The following XKR9 variants were observed in gnomAD, a reference collection of about 807,000 sequenced individuals.
XKR9 encodes XK related 9.
Under a neutral mutation model 32.0 loss-of-function variants are expected in XKR9, and 32 were observed. That is an observed-to-expected ratio of 1.00 (90% CI 0.76 to 1.34). The LOEUF is 1.34. Ranked by LOEUF, XKR9 falls within the 40% of genes most tolerant of loss-of-function variation. XKR9 has a pLI of 0.00. For synonymous variants in XKR9, 168 were observed against 143.4 expected (o/e 1.17, Z -1.22); for missense variants, 546 against 429.7 (o/e 1.27, Z -2.39).
chr8:70,878,380 G>T, the XKR9 span, among the ~76,000 whole-genome samples: 1 of 152,018 alleles, frequency 6.6e-6, no homozygotes, highest in Non-Finnish European at 1.5e-5. Flanking sequence ...AAAGAGTCAA[G>T]CCCCATCAAT....
downstream of XKR9, among the ~76,000 whole-genome samples, chr8:70,794,816 T>C (rs1436884748): frequency 3.6e-5 from 5 of 137,600 alleles, no homozygotes; most frequent in Admixed American, 7.3e-5. Flanking sequence ...TTGCTTGTAG[T>C]CTTCTTTTGT....
the XKR9 span, among the ~76,000 whole-genome samples, chr8:70,820,241 G>C: frequency 2.0e-5 from 3 of 152,160 alleles, no homozygotes; most frequent in Admixed American, 6.6e-5. Context: ...CTAAGTTCCT[G>C]TCAGTTTATT....
At chr8:70,696,832 G>C (rs1299949436) in intron 3 of XKR9, among the ~76,000 whole-genome samples, 2 of 145,970 alleles carry the variant, frequency 1.4e-5, no homozygotes, top group African/African-American at 5.0e-5. Flanking sequence ...ATGTTCTTCC[G>C]TTTGTTTGTA....
chr8:70,871,418 A>T, the XKR9 span, among the ~76,000 whole-genome samples: 1 of 152,160 alleles, frequency 6.6e-6, no homozygotes, highest in Non-Finnish European at 1.5e-5. Flanking sequence ...CATTTTTCCA[A>T]TAGCACATGC....
chr8:70,729,221 T>C (rs1471614355), intron 4 of XKR9, among the ~76,000 whole-genome samples: 2 of 152,216 alleles, frequency 1.3e-5, no homozygotes, highest in African/African-American at 4.8e-5. Context: ...CTGCCGTAAG[T>C]TGAGAATACT....
chr8:70,915,507 T>C, the XKR9 span, among the ~76,000 whole-genome samples: 2 of 152,196 alleles, frequency 1.3e-5, no homozygotes, highest in Non-Finnish European at 2.9e-5. Flanking sequence ...ATTTCTTTCA[T>C]TGTCATGATT....
the XKR9 span, among the ~76,000 whole-genome samples, chr8:70,944,331 A>G: frequency 3.9e-5 from 6 of 152,246 alleles, no homozygotes; most frequent in African/African-American, 1.4e-4. Context: ...TCTAGAGAAC[A>G]AATGATTTTG....
At chr8:70,748,944 T>A (rs1033346710) in intron 2 of XKR9, among the ~76,000 whole-genome samples, 1 of 152,176 alleles carries the variant, frequency 6.6e-6, no homozygotes, top group Non-Finnish European at 1.5e-5. Context: ...CAGGATGACC[T>A]GCCTGCATAA....
At chr8:70,975,220 T>A in the XKR9 span, among the ~76,000 whole-genome samples, 1 of 152,246 alleles carries the variant, frequency 6.6e-6, no homozygotes, top group South Asian at 2.1e-4. Context: ...TAGTTTCTTT[T>A]GCTGTGCAGA....
chr8:70,949,607 T>C, the XKR9 span, among the ~76,000 whole-genome samples: 1 of 151,872 alleles, frequency 6.6e-6, no homozygotes, highest in Admixed American at 6.6e-5. Context: ...TGTGTGTGTG[T>C]TGGGTGGCGA....
the XKR9 span, among the ~76,000 whole-genome samples, chr8:70,817,501 T>G: frequency 2.0e-5 from 3 of 152,208 alleles, 1 homozygote; most frequent in South Asian, 6.2e-4. Flanking sequence ...GGAAAACCAT[T>G]TCATGCTCGT....
the XKR9 span, among the ~76,000 whole-genome samples, chr8:71,061,429 A>G: frequency 3.9e-5 from 6 of 152,144 alleles, no homozygotes; most frequent in Non-Finnish European, 2.9e-5. Context: ...AATTCCCAGT[A>G]CCATCTGGCC....
the XKR9 span, among the ~76,000 whole-genome samples, chr8:71,028,282 TTA>T: frequency 6.6e-6 from 1 of 152,234 alleles, no homozygotes; most frequent in Admixed American, 6.5e-5. Context: ...TTTCACCTCG[TTA>T]GTTAAGTTTT....
At chr8:70,785,637 A>C (rs1485713096) in intron 2 of XKR9, among the ~76,000 whole-genome samples, 1 of 148,432 alleles carries the variant, frequency 6.7e-6, no homozygotes, top group Non-Finnish European at 1.5e-5. Flanking sequence ...ATAACATAGG[A>C]ATTTATTAGT....
At chr8:70,838,334 G>T in the XKR9 span, among the ~76,000 whole-genome samples, 9 of 152,012 alleles carry the variant, frequency 5.9e-5, no homozygotes, top group African/African-American at 2.4e-5. Context: ...GAGAGAGAAT[G>T]CATGTATGTA....
chr8:70,849,423 C>T, the XKR9 span, among the ~76,000 whole-genome samples: 1 of 152,092 alleles, frequency 6.6e-6, no homozygotes, highest in Non-Finnish European at 1.5e-5. Flanking sequence ...CCAATGAGAA[C>T]AAAGACACAA....
the XKR9 span, among the ~76,000 whole-genome samples, chr8:70,865,113 T>C: frequency 6.6e-6 from 1 of 152,326 alleles, no homozygotes; most frequent in East Asian, 1.9e-4. Context: ...TGAAATTGAT[T>C]ACCCTGGAAA....
At chr8:70,966,836 G>A in the XKR9 span, among the ~76,000 whole-genome samples, 1 of 152,012 alleles carries the variant, frequency 6.6e-6, no homozygotes, top group Non-Finnish European at 1.5e-5. Context: ...AGAATAGTTA[G>A]CTCTTTTTAT....
intron 2 of XKR9, among the ~76,000 whole-genome samples, chr8:70,775,727 G>A (rs1001049965): frequency 8.7e-5 from 13 of 149,452 alleles, no homozygotes; most frequent in South Asian, 4.2e-4. Flanking sequence ...TTGCCTCTGC[G>A]TACATGGGGA....
Sources: allele counts gnomAD v4.1 joint callset (sites outside exome capture counted in the v4.1 genomes callset), GRCh38; gene constraint gnomAD v4.1.1; transcripts MANE v1.5; gene names NCBI Gene and HGNC (gene_info 2026-07-23, HGNC 2026-07-21).